The following PCDHA13 variants were observed in gnomAD, a reference collection of about 807,000 sequenced individuals.
PCDHA13 encodes protocadherin alpha 13.
In PCDHA13, 54 loss-of-function variants were observed where a neutral mutation model predicts 64.8. The observed-to-expected ratio is 0.83, with a 90% CI of 0.67 to 1.04. PCDHA13 has a LOEUF of 1.04. PCDHA13 is among the 50% of genes least tolerant of loss of function. The probability of loss-of-function intolerance (pLI) is 0.00; values close to 1 mark genes in which losing one functional copy is unlikely to be tolerated. For synonymous variants in PCDHA13, 587 were observed against 564.4 expected (o/e 1.04, Z -0.57); for missense variants, 1,248 against 1,254.3 (o/e 0.99, Z 0.08).
At chr5:140,948,351 A>G (rs951541212) in intron 1 of PCDHA13, among the ~76,000 whole-genome samples, 1 of 151,646 alleles carries the variant, frequency 6.6e-6, no homozygotes, top group East Asian at 1.9e-4. Flanking sequence ...TTCTAACCTA[A>G]TAAAATGACT....
rs187844001 is a variant in PCDHA13 at position 140,981,487 on chromosome 5, T to C, written c.2454-988T>C. On this transcript the variant is annotated intron_variant, in intron 2 of 3. Coordinates refer to ENST00000289272, the MANE Select transcript of PCDHA13 (RefSeq NM_018904.3). ...TACTTGGGAGGCTGAGGCAGGAGAA[T>C]TGCTTGAACCTGGGAGGCAGAGGTT... Among the ~76,000 whole-genome samples the C allele has an allele frequency of 5.5e-3, 843 of 152,250 alleles. 8 individuals carry two copies. Among genetic ancestry groups the C allele is most frequent in the African/African-American group, 0.019 (806 of 41,542 alleles).
chr5:140,986,246 C>T (rs561365390), intron 3 of PCDHA13, among the ~76,000 whole-genome samples: 1 of 152,178 alleles, frequency 6.6e-6, no homozygotes, highest in African/African-American at 2.4e-5. Flanking sequence ...TGAGCAGACC[C>T]GGACCACAGG....
intron 1 of PCDHA13, chr5:140,968,000 C>T: frequency 1.2e-6 from 2 of 1,614,234 alleles, no homozygotes; most frequent in Non-Finnish European, 8.5e-7. Context: ...GCCTTTCCGA[C>T]TGAATGGCTT....
chr5:140,955,505 C>T (rs1253768939), intron 1 of PCDHA13, among the ~76,000 whole-genome samples: 2 of 152,152 alleles, frequency 1.3e-5, no homozygotes, highest in African/African-American at 2.4e-5. Flanking sequence ...TGAAGAAAGA[C>T]GTGTTTGCTT....
intron 1 of PCDHA13, chr5:140,967,465 C>T: frequency 1.2e-6 from 2 of 1,613,512 alleles, no homozygotes; most frequent in Non-Finnish European, 1.7e-6. Flanking sequence ...TGGATGGGGG[C>T]ATCCCAGCCC....
intron 1 of PCDHA13, among the ~76,000 whole-genome samples, chr5:140,907,186 C>A (rs782137829): frequency 1.3e-4 from 20 of 152,186 alleles, no homozygotes; most frequent in Non-Finnish European, 2.5e-4. Context: ...AGAGCATACA[C>A]AACCTTCTGG....
Position 140,882,749 on chromosome 5 carries a change from G to C in PCDHA13, c.481G>C (p.Asp161His), listed in dbSNP as rs1393099675. ...TCCACTAGATGGCGCATCCGATGCA[G>C]ATATTGGAGTAAACTCGGCATTGAC... ...RFPLDGASDA[D>H]IGVNSALTYR... Residue 161 changes from aspartate (D) to histidine (H), a missense_variant, in exon 1 of 4, where the codon GAT (aspartate) becomes CAT (histidine). Transcript: ENST00000289272. 6.2e-7 allele frequency: 1 copy of C among 1,614,126 alleles called. No individual in the cohort carries two copies. Among genetic ancestry groups the C allele is most frequent in the Non-Finnish European group, 8.5e-7 (1 of 1,180,046 alleles).
At chr5:140,997,097 T>G (rs1222829529) in intron 3 of PCDHA13, among the ~76,000 whole-genome samples, 10 of 152,156 alleles carry the variant, frequency 6.6e-5, no homozygotes, top group Admixed American at 5.2e-4. Context: ...TGCAGAGTTC[T>G]CATGCACTCC....
At chr5:140,924,901 A>AAAAAT (rs10667761) in intron 1 of PCDHA13, among the ~76,000 whole-genome samples, 10,380 of 79,870 alleles carry the variant, frequency 0.13, 426 homozygotes, top group East Asian at 0.37. Context: ...TCTCAAAAAA[A>AAAAAT]AAAATAAAAT....
chr5:140,987,293 T>C (rs2097246211), intron 3 of PCDHA13, among the ~76,000 whole-genome samples: 1 of 152,134 alleles, frequency 6.6e-6, no homozygotes, highest in African/African-American at 2.4e-5. Context: ...TAACAAGCCT[T>C]CTATGTGATA....
intron 1 of PCDHA13, among the ~76,000 whole-genome samples, chr5:140,923,795 A>C (rs1282849925): frequency 6.6e-6 from 1 of 152,360 alleles, no homozygotes; most frequent in African/African-American, 2.4e-5. Context: ...CATTCTTTTC[A>C]CAAATGAAAT....
At chr5:140,926,986 C>T (rs782199565) in intron 1 of PCDHA13, 1 of 1,610,712 alleles carries the variant, frequency 6.2e-7, no homozygotes, top group Non-Finnish European at 8.5e-7. Flanking sequence ...GGAGACGGAG[C>T]GGGGCGTAGC....
intron 1 of PCDHA13, among the ~76,000 whole-genome samples, chr5:140,963,536 T>G (rs2095772178): frequency 6.6e-6 from 1 of 152,230 alleles, no homozygotes; most frequent in African/African-American, 2.4e-5. Flanking sequence ...TCCCATTTAC[T>G]TCATGATATA....
chr5:140,962,764 T>C (rs946789298), intron 1 of PCDHA13, among the ~76,000 whole-genome samples: 7 of 152,226 alleles, frequency 4.6e-5, no homozygotes, highest in African/African-American at 1.7e-4. Flanking sequence ...TATTCGTTTT[T>C]AACAAGATGG....
intron 2 of PCDHA13, among the ~76,000 whole-genome samples, chr5:140,981,654 A>ATTTCTTCCTTCC (rs563193906): frequency 2.0e-5 from 3 of 152,026 alleles, no homozygotes; most frequent in Non-Finnish European, 2.9e-5. Context: ...GATCCCACTT[A>ATTTCTTCCTTCC]TTTCTTCCTT....
At chr5:140,960,455 T>A (rs1585839337) in intron 1 of PCDHA13, among the ~76,000 whole-genome samples, 3 of 152,274 alleles carry the variant, frequency 2.0e-5, no homozygotes, top group African/African-American at 7.2e-5. Flanking sequence ...ATGGATAATT[T>A]TGAGAAGTAA....
chr5:140,890,594 T>A (rs1439050160), intron 1 of PCDHA13, among the ~76,000 whole-genome samples: 1 of 152,150 alleles, frequency 6.6e-6, no homozygotes, highest in East Asian at 1.9e-4. Context: ...GAAGCCCTTT[T>A]CCGAATAGCT....
chr5:140,925,172 C>T (rs1176049315), intron 1 of PCDHA13, among the ~76,000 whole-genome samples: 2 of 151,994 alleles, frequency 1.3e-5, no homozygotes, highest in Admixed American at 6.6e-5. Context: ...TGTAATTGAC[C>T]CCAATGTACC....
At chr5:140,896,113 T>G (rs10053583) in intron 1 of PCDHA13, among the ~76,000 whole-genome samples, 1 of 152,170 alleles carries the variant, frequency 6.6e-6, no homozygotes, top group East Asian at 1.9e-4. Flanking sequence ...GCCTGGCCAA[T>G]GTACTGCATT....
Sources: gnomAD v4.1 joint callset for allele counts (sites outside exome capture counted in the v4.1 genomes callset) on GRCh38, gnomAD v4.1.1 for gene constraint, MANE v1.5 for transcripts, NCBI Gene and HGNC (gene_info 2026-07-23, HGNC 2026-07-21) for gene names.